The following OPCML variants were observed in gnomAD, a reference collection of about 807,000 sequenced individuals.
OPCML encodes the protein opioid binding protein/cell adhesion molecule like.
In OPCML, 13 loss-of-function variants were observed where a neutral mutation model predicts 37.8. The observed-to-expected ratio is 0.34, with a 90% CI of 0.22 to 0.55. The LOEUF is 0.55. OPCML is among the 20% of genes least tolerant of loss of function. The pLI is 0.91. For missense variants in OPCML, 341 were observed against 435.6 expected, an observed-to-expected ratio of 0.78 and a Z score of 1.93; for synonymous variants, 176 against 168.8, an observed-to-expected ratio of 1.04 and a Z score of -0.33.
In OPCML at chr11:132,661,377, C is replaced by T. The variant is rs150673573; in HGVS notation, c.147-4058G>A. On this transcript the variant is annotated intron_variant, in intron 2 of 7. Transcript: ENST00000524381. ...GAAAGTTATTTTCCTCATGATGTTG[C>T]TCTGCTTCAAAAGAAAATGTAGTTT... Among the ~76,000 whole-genome samples, 517 of 152,268 alleles carry T rather than the reference C, an allele frequency of 3.4e-3. 2 individuals are homozygous for T. The highest frequency in any genetic ancestry group is 5.1e-3 in the Non-Finnish European group (344 of 68,034).
At chr11:133,327,044 A>G (rs1274841809) in intron 1 of OPCML, among the ~76,000 whole-genome samples, 1 of 78,080 alleles carries the variant, frequency 1.3e-5, no homozygotes, top group Admixed American at 1.7e-4. Flanking sequence ...GGGTGCGTGT[A>G]TGTGTGTGTG....
At chr11:133,237,287 C>G (rs1288294386) in intron 1 of OPCML, among the ~76,000 whole-genome samples, 2 of 152,184 alleles carry the variant, frequency 1.3e-5, no homozygotes, top group Non-Finnish European at 2.9e-5. Flanking sequence ...GGGGGTGGAG[C>G]CCACATGCCC....
intron 1 of OPCML, among the ~76,000 whole-genome samples, chr11:133,255,141 C>CT (rs34474943): frequency 6.6e-6 from 1 of 152,146 alleles, no homozygotes; most frequent in African/African-American, 2.4e-5. Context: ...CCCTCTGCAC[C>CT]TTTTTTTCTC....
In OPCML at chr11:133,004,680, C is replaced by A. The variant is rs1005276808; in HGVS notation, c.62-61670G>T. On this transcript the variant is annotated intron_variant, in intron 1 of 7. Coordinates refer to ENST00000524381, the MANE Select transcript of OPCML (RefSeq NM_001012393.5). ...GCTGGCGAGGGACCATGCCCTCGCT[C>A]TCCTTCAGGGCTTGCCTTGGTGCTA... The A allele has an allele frequency of 3.0e-6, 3 of 985,332 alleles. No individual in the cohort carries two copies. The African/African-American group carries it at 5.2e-5, about 17-fold the overall frequency. 61.0% of individuals were successfully genotyped at this position (985,332 alleles called of 1,614,324 possible).
At chr11:133,140,594 GAAGA>G (rs946186840) in intron 1 of OPCML, among the ~76,000 whole-genome samples, 3 of 137,642 alleles carry the variant, frequency 2.2e-5, no homozygotes, top group Non-Finnish European at 3.2e-5. Flanking sequence ...AAAAAAGAAA[GAAGA>G]AAGAAGAAAG....
At chr11:132,713,444 CATT>C (rs1484057956) in intron 2 of OPCML, among the ~76,000 whole-genome samples, 1 of 152,156 alleles carries the variant, frequency 6.6e-6, no homozygotes, top group Non-Finnish European at 1.5e-5. Flanking sequence ...AACATTCTGT[CATT>C]ATAAATAGAA....
intron 1 of OPCML, among the ~76,000 whole-genome samples, chr11:133,184,401 A>G (rs968864962): frequency 2.0e-5 from 3 of 152,136 alleles, no homozygotes; most frequent in Non-Finnish European, 4.4e-5. Context: ...ACCTTGAAGG[A>G]TGGGAAGGTT....
At chr11:133,051,353 G>A (rs546025887) in intron 1 of OPCML, among the ~76,000 whole-genome samples, 3 of 152,250 alleles carry the variant, frequency 2.0e-5, no homozygotes, top group African/African-American at 7.2e-5. Context: ...CTTGCCTGAA[G>A]TCTCCCAACC....
intron 1 of OPCML, among the ~76,000 whole-genome samples, chr11:133,044,153 T>A (rs7127639): frequency 6.6e-6 from 1 of 152,018 alleles, no homozygotes; most frequent in Non-Finnish European, 1.5e-5. Flanking sequence ...GTAAGCCATG[T>A]GAGAAGGGTG....
At chr11:133,331,826 T>G in intron 1 of OPCML, among the ~76,000 whole-genome samples, 1 of 152,204 alleles carries the variant, frequency 6.6e-6, no homozygotes, top group Non-Finnish European at 1.5e-5. Flanking sequence ...TGATTTACAT[T>G]TATAAAAACC....
At chr11:132,730,586 A>C (rs919904802) in intron 2 of OPCML, among the ~76,000 whole-genome samples, 2 of 152,208 alleles carry the variant, frequency 1.3e-5, no homozygotes, top group Admixed American at 6.5e-5. Flanking sequence ...TAAACTGTCA[A>C]AGGGACAATT....
intron 1 of OPCML, among the ~76,000 whole-genome samples, chr11:133,156,968 C>G (rs968246400): frequency 6.6e-6 from 1 of 152,048 alleles, no homozygotes; most frequent in Non-Finnish European, 1.5e-5. Context: ...GCAGCCTGTT[C>G]CCTGCTCACC....
intron 2 of OPCML, among the ~76,000 whole-genome samples, chr11:132,725,466 G>A (rs1416917954): frequency 6.6e-6 from 1 of 152,164 alleles, no homozygotes; most frequent in Non-Finnish European, 1.5e-5. Context: ...AGGGGCTACT[G>A]CGAAGATCTC....
intron 1 of OPCML, among the ~76,000 whole-genome samples, chr11:133,035,275 A>G (rs1293241927): frequency 6.6e-6 from 1 of 152,102 alleles, no homozygotes; most frequent in Non-Finnish European, 1.5e-5. Context: ...GAAACTTTCT[A>G]CTCCATCAAC....
chr11:133,483,818 T>C (rs1012464128), intron 1 of OPCML, among the ~76,000 whole-genome samples: 1 of 147,746 alleles, frequency 6.8e-6, no homozygotes, highest in African/African-American at 2.5e-5. Context: ...GATAGATAGA[T>C]AGATAGATAG....
At chr11:133,308,614 A>G (rs1013242230) in intron 1 of OPCML, among the ~76,000 whole-genome samples, 14 of 152,154 alleles carry the variant, frequency 9.2e-5, no homozygotes, top group African/African-American at 3.1e-4. Flanking sequence ...TCCCAGCCCC[A>G]TTCACTCAGA....
intron 4 of OPCML, among the ~76,000 whole-genome samples, chr11:132,461,174 C>T (rs1228846357): frequency 6.6e-6 from 1 of 152,152 alleles, no homozygotes; most frequent in Admixed American, 6.5e-5. Context: ...CTTAGAATCT[C>T]TGCAGCTGTA....
intron 2 of OPCML, among the ~76,000 whole-genome samples, chr11:132,756,331 C>A (rs191254649): frequency 6.6e-6 from 1 of 152,100 alleles, no homozygotes; most frequent in Non-Finnish European, 1.5e-5. Context: ...TAACTGAAGA[C>A]GTGGAACTAA....
In OPCML at chr11:133,154,831, G is replaced by A. The variant is rs150317555; in HGVS notation, c.62-211821C>T. Among the ~76,000 whole-genome samples the A allele has an allele frequency of 3.7e-4, 57 of 152,310 alleles. 1 individual carries two copies. The highest frequency in any genetic ancestry group is 1.3e-3 in the African/African-American group (55 of 41,572). The stretch of plus-strand genomic sequence containing the variant: ...GGAGGATAGTAAAATGCTGAGCTTT[G>A]CAAAGATGAGAATCAAAGTTTCTGT... On this transcript the variant is annotated intron_variant, in intron 1 of 7. Coordinates refer to ENST00000524381, the MANE Select transcript of OPCML (RefSeq NM_001012393.5).
Sources: allele counts gnomAD v4.1 joint callset (sites outside exome capture counted in the v4.1 genomes callset), GRCh38; gene constraint gnomAD v4.1.1; transcripts MANE v1.5; gene names NCBI Gene and HGNC (gene_info 2026-07-23, HGNC 2026-07-21).